ZNF492: variants seen among roughly 807,000 people sequenced by gnomAD.
ZNF492 encodes zinc finger protein 492.
In ZNF492, 3 loss-of-function variants were observed where a neutral mutation model predicts 6.4. That is an observed-to-expected ratio of 0.47 (90% CI 0.21 to 1.22). ZNF492 has a LOEUF of 1.22. Ranked by LOEUF, ZNF492 falls within the 50% of genes most tolerant of loss-of-function variation. The pLI is 0.22. For synonymous variants in ZNF492, 112 were observed against 205.3 expected, an observed-to-expected ratio of 0.55 and a Z score of 3.89; for missense variants, 356 against 612.5, an observed-to-expected ratio of 0.58 and a Z score of 4.42.
chr19:22,651,240 C>G (rs1266964491), intron 1 of ZNF492, among the ~76,000 whole-genome samples: 1 of 151,956 alleles, frequency 6.6e-6, no homozygotes, highest in Non-Finnish European at 1.5e-5. Context: ...GCTGCCTAGT[C>G]AGTTCTGATG....
chr19:22,634,487 G>T lies in ZNF492; in HGVS notation c.-94+13G>T, dbSNP rs537430786. ...AAGCCTAGAAACGGTGAGAGTGCCG[G>T]GTCCGACATCCCGAGAGAGGGGAAG... On this transcript the variant is annotated intron_variant, in intron 1 of 3. Coordinates refer to ENST00000456783, the MANE Select transcript of ZNF492 (RefSeq NM_020855.3). 6.5e-6 allele frequency: 9 copies of T among 1,381,614 alleles called. No homozygotes were observed. In the African/African-American group the frequency reaches 1.3e-4, roughly 20 times the overall value. 85.6% of individuals were successfully genotyped at this position (1,381,614 alleles called of 1,614,324 possible).
At chr19:22,649,085 T>C (rs188863979) in intron 1 of ZNF492, among the ~76,000 whole-genome samples, 38 of 152,310 alleles carry the variant, frequency 2.5e-4, no homozygotes, top group Admixed American at 6.5e-4. Flanking sequence ...TTTTCCATAT[T>C]TAGTGCTTTC....
intron 3 of ZNF492, among the ~76,000 whole-genome samples, chr19:22,662,254 G>A (rs1477618735): frequency 6.6e-6 from 1 of 152,104 alleles, no homozygotes; most frequent in Non-Finnish European, 1.5e-5. Flanking sequence ...CCCTGCAAAG[G>A]ACATGAACTC....
chr19:22,643,069 G>A (rs1971844627), intron 1 of ZNF492, among the ~76,000 whole-genome samples: 2 of 152,100 alleles, frequency 1.3e-5, no homozygotes, highest in Admixed American at 6.6e-5. Context: ...TTTGAGACCA[G>A]CCTGACCAAC....
chr19:22,646,964 A>T (rs1489878828), intron 1 of ZNF492, among the ~76,000 whole-genome samples: 1 of 152,032 alleles, frequency 6.6e-6, no homozygotes, highest in Non-Finnish European at 1.5e-5. Flanking sequence ...ATCTCGGCTC[A>T]CCGCAACCTC....
chr19:22,655,853 C>T, intron 3 of ZNF492, among the ~76,000 whole-genome samples: 1 of 116,172 alleles, frequency 8.6e-6, no homozygotes, highest in Non-Finnish European at 1.6e-5. Flanking sequence ...GAGACAGCGT[C>T]TCACTCTGTC....
chr19:22,662,554 T>C (rs1033307585), intron 3 of ZNF492, among the ~76,000 whole-genome samples: 4 of 152,160 alleles, frequency 2.6e-5, no homozygotes, highest in Non-Finnish European at 5.9e-5. Flanking sequence ...CCACCAACAG[T>C]GTAAAAGCGT....
chr19:22,667,512 A>G lies in ZNF492; in HGVS notation c.*2247A>G, dbSNP rs992272157. On this transcript the variant is annotated 3_prime_UTR_variant, in exon 4 of 4. Transcript: ENST00000456783. ...AAATGAGGTATCCATCACCTTTAGA[A>G]TTTATTTTTTGTATTATGAACAGTT... 1.9e-4 allele frequency: 29 copies of G among 152,026 alleles called. No individual in the cohort carries two copies. Among genetic ancestry groups the G allele is most frequent in the Non-Finnish European group, 3.8e-4 (26 of 67,998 alleles). 9.4% of individuals were successfully genotyped at this position (152,026 alleles called of 1,614,324 possible).
At chr19:22,647,727 G>GTTTTTTTTTTTTGTTTTTTTTT (rs1971897013) in intron 1 of ZNF492, among the ~76,000 whole-genome samples, 4 of 92,576 alleles carry the variant, frequency 4.3e-5, no homozygotes, top group East Asian at 3.2e-4. Context: ...AGCTCTTTTA[G>GTTTTTTTTTTTTGTTTTTTTTT]TTTTTTTTTT....
chr19:22,635,955 T>A (rs1303782286), intron 1 of ZNF492, among the ~76,000 whole-genome samples: 1 of 152,202 alleles, frequency 6.6e-6, no homozygotes, highest in East Asian at 1.9e-4. Context: ...GTGCAGATTA[T>A]TTTGTCACTG....
At chr19:22,647,080 G>A (rs59567211) in intron 1 of ZNF492, among the ~76,000 whole-genome samples, 29,226 of 151,452 alleles carry the variant, frequency 0.19, 3,652 homozygotes, top group African/African-American at 0.36. Context: ...TAGTAGAGAC[G>A]AAGTTTCTCC....
At chr19:22,652,268 C>G (rs1288407439) in intron 1 of ZNF492, among the ~76,000 whole-genome samples, 1 of 117,384 alleles carries the variant, frequency 8.5e-6, no homozygotes, top group Non-Finnish European at 1.6e-5. Flanking sequence ...TCGCCCAGGC[C>G]GGACTGCGGA....
chr19:22,651,979 A>G (rs1971943924), intron 1 of ZNF492, among the ~76,000 whole-genome samples: 1 of 152,102 alleles, frequency 6.6e-6, no homozygotes, highest in African/African-American at 2.4e-5. Flanking sequence ...TTTCTTTATG[A>G]TTAAATTCAG....
intron 1 of ZNF492, among the ~76,000 whole-genome samples, chr19:22,635,159 T>C (rs1407122791): frequency 6.6e-6 from 1 of 151,156 alleles, no homozygotes; most frequent in African/African-American, 2.4e-5. Flanking sequence ...AATGTAGTAA[T>C]TTCTAAAAAA....
At chr19:22,642,679 G>A (rs532742091) in intron 1 of ZNF492, among the ~76,000 whole-genome samples, 19 of 152,156 alleles carry the variant, frequency 1.2e-4, no homozygotes, top group African/African-American at 4.1e-4. Flanking sequence ...GTAAGCGACC[G>A]CGCACGGCCT....
rs796494985 is a variant in ZNF492 at position 22,661,943 on chromosome 19, C to T, written c.131-1857C>T. Among the ~76,000 whole-genome samples, 129 of 152,148 alleles carry T rather than the reference C, an allele frequency of 8.5e-4. 1 individual carries two copies. Among genetic ancestry groups the T allele is most frequent in the African/African-American group, 2.9e-3 (119 of 41,514 alleles). On this transcript the variant is annotated intron_variant, in intron 3 of 3. Coordinates refer to ENST00000456783, the MANE Select transcript of ZNF492 (RefSeq NM_020855.3). ...TATAATTGTTTCCTGTCTGTAGTAC[C>T]ACAGTCTTTCTGCTGCTGTAAAACT...
In ZNF492 at chr19:22,665,855, T is replaced by C. The variant is rs549227635; in HGVS notation, c.*590T>C. ...AAAAATATTTAATTCAATGGTAAGT[T>C]TATGTAAATATCAGAGAATTTATGT... On this transcript the variant is annotated 3_prime_UTR_variant, in exon 4 of 4. Coordinates refer to ENST00000456783, the MANE Select transcript of ZNF492 (RefSeq NM_020855.3). 3.3e-5 allele frequency: 5 copies of C among 152,632 alleles called. No homozygotes were observed. Among genetic ancestry groups the C allele is most frequent in the East Asian group, 1.9e-4 (1 of 5,194 alleles). 9.5% of individuals were successfully genotyped at this position (152,632 alleles called of 1,614,324 possible).
intron 3 of ZNF492, among the ~76,000 whole-genome samples, chr19:22,659,376 T>C (rs1177694447): frequency 2.0e-5 from 3 of 151,740 alleles, no homozygotes; most frequent in Non-Finnish European, 4.4e-5. Context: ...GTGTTTTCTA[T>C]ACCTCTGTTA....
At chr19:22,653,579 C>G (rs941959643) in intron 2 of ZNF492, 146 bp downstream of exon 2, 1 of 1,177,754 alleles carries the variant, frequency 8.5e-7, no homozygotes, top group African/African-American at 1.6e-5. Context: ...AAAAGAATTT[C>G]AAGATGTTTC....
Sources: allele counts gnomAD v4.1 joint callset (sites outside exome capture counted in the v4.1 genomes callset), GRCh38; gene constraint gnomAD v4.1.1; transcripts MANE v1.5; gene names NCBI Gene and HGNC (gene_info 2026-07-23, HGNC 2026-07-21).